Variants in ATP8A2 observed in about 807,000 individuals in gnomAD.
ATP8A2 encodes the protein ATPase phospholipid transporting 8A2, also known as phospholipid-transporting ATPase IB.
Under a neutral mutation model 165.6 loss-of-function variants are expected in ATP8A2, and 100 were observed. The ratio of observed to expected loss-of-function variants is 0.60; its 90% CI spans 0.51 to 0.71. The LOEUF (loss-of-function observed/expected upper bound fraction) is 0.71. ATP8A2 is among the 30% of genes least tolerant of loss of function. The pLI, the probability that ATP8A2 is intolerant of heterozygous loss-of-function variation, is 0.00. For synonymous variants in ATP8A2, 543 were observed against 548.8 expected (o/e 0.99, Z 0.15); for missense variants, 1,227 against 1,479.5 (o/e 0.83, Z 2.80).
intron 20 of ATP8A2, 75 bp from the exon 21 acceptor site, chr13:25,578,740 C>A: frequency 2.3e-6 from 2 of 875,172 alleles, no homozygotes; most frequent in Non-Finnish European, 3.9e-6. Flanking sequence ...TAAACAGAAA[C>A]AAAGCCATGC....
At chr13:25,411,908 T>G (rs12862424) in intron 1 of ATP8A2, among the ~76,000 whole-genome samples, 12 of 152,196 alleles carry the variant, frequency 7.9e-5, no homozygotes, top group East Asian at 3.8e-4. Flanking sequence ...TAAAAAGAAC[T>G]TTAAATCTTC....
chr13:25,842,759 G>T (rs1951774009), intron 30 of ATP8A2, among the ~76,000 whole-genome samples: 1 of 151,666 alleles, frequency 6.6e-6, no homozygotes, highest in African/African-American at 2.4e-5. Context: ...AGGAAGGAAG[G>T]TTGGAAGGAA....
intron 10 of ATP8A2, among the ~76,000 whole-genome samples, chr13:25,545,661 G>T (rs1015207627): frequency 1.3e-5 from 2 of 152,134 alleles, no homozygotes; most frequent in Admixed American, 1.3e-4. Context: ...TTGAGACAGG[G>T]TCTGGCTTTG....
intron 25 of ATP8A2, 39 bp from the exon 26 acceptor site, chr13:25,769,007 A>G (rs1272570939): frequency 6.3e-7 from 1 of 1,588,196 alleles, no homozygotes; most frequent in Non-Finnish European, 8.6e-7. Flanking sequence ...TCCTCTGGAA[A>G]GACATGCATA....
At chr13:25,907,087 C>T (rs566170975) in intron 33 of ATP8A2, among the ~76,000 whole-genome samples, 118 of 152,246 alleles carry the variant, frequency 7.8e-4, no homozygotes, top group African/African-American at 2.4e-3. Context: ...AAAAACTAGC[C>T]GGCGTGGTAG....
chr13:25,944,461 T>G (rs991188793), intron 33 of ATP8A2: 3 of 152,170 alleles, frequency 2.0e-5, no homozygotes, highest in African/African-American at 4.8e-5. Flanking sequence ...GAGCCGAGAC[T>G]GCACCACTGC....
chr13:25,724,905 G>A lies in ATP8A2; in HGVS notation c.2384+25560G>A, dbSNP rs74368927. 0.021 allele frequency among the ~76,000 whole-genome samples: 3,226 copies of A among 152,152 alleles called. 221 individuals carry two copies. The East Asian group carries it at 0.25, about 12-fold the overall frequency. Reference sequence around the variant, plus strand: ...AGTTCAGGAAACCATTGCCTCTTCCGGTTCCTAGGTGTCTTCAATAAAAAA... The same window carrying A: ...AGTTCAGGAAACCATTGCCTCTTCCAGTTCCTAGGTGTCTTCAATAAAAAA... On this transcript the variant is annotated intron_variant, in intron 25 of 36. Transcript: ENST00000381655.
At chr13:25,853,988 A>G (rs1403498741) in intron 30 of ATP8A2, among the ~76,000 whole-genome samples, 1 of 152,198 alleles carries the variant, frequency 6.6e-6, no homozygotes, top group East Asian at 1.9e-4. Flanking sequence ...CTAAACTTTT[A>G]AAAAATGAAA....
At chr13:25,782,963 A>C (rs1268817148) in intron 27 of ATP8A2, among the ~76,000 whole-genome samples, 1 of 151,188 alleles carries the variant, frequency 6.6e-6, no homozygotes, top group Non-Finnish European at 1.5e-5. Context: ...CTGATCTCGA[A>C]CTCCTGACCT....
intron 33 of ATP8A2, among the ~76,000 whole-genome samples, chr13:25,955,773 T>A (rs917529952): frequency 6.6e-6 from 1 of 152,168 alleles, no homozygotes; most frequent in Admixed American, 6.5e-5. Flanking sequence ...CTAAATCATT[T>A]TATGAGGCCA....
At chr13:25,693,867 TTTG>T (rs1042652266) in intron 24 of ATP8A2, among the ~76,000 whole-genome samples, 4 of 151,938 alleles carry the variant, frequency 2.6e-5, no homozygotes, top group African/African-American at 9.7e-5. Context: ...TTTTTGGGTT[TTTG>T]TTGTTGTTGT....
At chr13:25,630,694 A>G (rs1188292855) in intron 24 of ATP8A2, among the ~76,000 whole-genome samples, 1 of 152,212 alleles carries the variant, frequency 6.6e-6, no homozygotes, top group African/African-American at 2.4e-5. Flanking sequence ...CATGTAAAAT[A>G]TGCTTCTTAA....
chr13:26,011,601 A>T (rs1956850360), intron 35 of ATP8A2, among the ~76,000 whole-genome samples: 1 of 152,104 alleles, frequency 6.6e-6, no homozygotes, highest in African/African-American at 2.4e-5. Flanking sequence ...AAGCACTTTG[A>T]CCTGCCTGGG....
At chr13:25,816,801 C>A (rs538089451) in intron 27 of ATP8A2, among the ~76,000 whole-genome samples, 2 of 152,150 alleles carry the variant, frequency 1.3e-5, no homozygotes, top group Non-Finnish European at 2.9e-5. Flanking sequence ...GAAAATGAGA[C>A]ACAAAGCAAG....
intron 25 of ATP8A2, among the ~76,000 whole-genome samples, chr13:25,716,641 G>T (rs892439488): frequency 6.6e-6 from 1 of 152,220 alleles, no homozygotes; most frequent in Non-Finnish European, 1.5e-5. Context: ...AGCAGGGTGT[G>T]AAGGGTTTAA....
chr13:25,383,601 C>A (rs2032933677), intron 1 of ATP8A2, among the ~76,000 whole-genome samples: 2 of 152,228 alleles, frequency 1.3e-5, no homozygotes, highest in South Asian at 4.2e-4. Context: ...TCAATATGTT[C>A]TTTCATGAAT....
chr13:25,740,092 A>G (rs1381073782), intron 25 of ATP8A2, among the ~76,000 whole-genome samples: 2 of 152,016 alleles, frequency 1.3e-5, no homozygotes, highest in South Asian at 2.1e-4. Context: ...GGCGGATCAC[A>G]AGGTCAGGAG....
chr13:25,474,199 GA>G (rs60691666), intron 2 of ATP8A2, among the ~76,000 whole-genome samples: 43,956 of 152,106 alleles, frequency 0.29, 7,609 homozygotes, highest in East Asian at 0.67. Flanking sequence ...TGCCTTAAAG[GA>G]AAATTACTTC....
chr13:25,748,172 C>T (rs928447087), intron 25 of ATP8A2, among the ~76,000 whole-genome samples: 5 of 152,144 alleles, frequency 3.3e-5, no homozygotes, highest in Non-Finnish European at 7.4e-5. Flanking sequence ...TGTGAATGGG[C>T]TAGTTTAAAT....
Sources: gnomAD v4.1 joint callset for allele counts (sites outside exome capture counted in the v4.1 genomes callset) on GRCh38, gnomAD v4.1.1 for gene constraint, MANE v1.5 for transcripts, NCBI Gene and HGNC (gene_info 2026-07-23, HGNC 2026-07-21) for gene names.